Variants in DCLK1 observed in about 807,000 individuals in gnomAD.
The protein encoded by DCLK1 is doublecortin like kinase 1, also known as serine/threonine-protein kinase DCLK1.
DCLK1 carries 16 observed loss-of-function variants against 86.2 expected under a neutral mutation model. That is an observed-to-expected ratio of 0.19 (90% CI 0.13 to 0.28). The LOEUF is 0.28. DCLK1 is among the 10% of genes least tolerant of loss of function. DCLK1 has a pLI of 1.00. For synonymous variants in DCLK1, 369 were observed against 370.5 expected (o/e 1.00, Z 0.05); for missense variants, 590 against 940.2 (o/e 0.63, Z 4.87).
chr13:35,797,042 G>A (rs1252354186), intron 15 of DCLK1, among the ~76,000 whole-genome samples: 5 of 152,246 alleles, frequency 3.3e-5, no homozygotes, highest in Non-Finnish European at 5.9e-5. Flanking sequence ...ATGTGTCAAC[G>A]TGACCTATTA....
chr13:35,813,641 AC>A (rs1334248774), intron 11 of DCLK1, among the ~76,000 whole-genome samples: 1 of 151,970 alleles, frequency 6.6e-6, no homozygotes, highest in East Asian at 1.9e-4. Context: ...GAAAATGAAA[AC>A]CATTGAAATA....
At chr13:35,991,441 A>T (rs1019758201) in intron 3 of DCLK1, among the ~76,000 whole-genome samples, 17 of 152,092 alleles carry the variant, frequency 1.1e-4, no homozygotes, top group African/African-American at 4.1e-4. Context: ...GCTGAGGATC[A>T]CTTGAGCCCA....
At chr13:35,982,212 C>T (rs925545707) in intron 3 of DCLK1, among the ~76,000 whole-genome samples, 4 of 151,824 alleles carry the variant, frequency 2.6e-5, no homozygotes, top group Non-Finnish European at 4.4e-5. Flanking sequence ...AGGCACTTTT[C>T]ACAAAGGAAA....
intron 3 of DCLK1, among the ~76,000 whole-genome samples, chr13:36,001,201 G>A (rs1957381684): frequency 6.6e-6 from 1 of 152,128 alleles, no homozygotes; most frequent in Non-Finnish European, 1.5e-5. Context: ...ACCCACTTCG[G>A]CCTCCCAAAG....
chr13:36,006,581 T>C (rs1880967513), intron 3 of DCLK1, among the ~76,000 whole-genome samples: 1 of 152,150 alleles, frequency 6.6e-6, no homozygotes, highest in South Asian at 2.1e-4. Flanking sequence ...CAGAGGCCAG[T>C]GCTTCCCAGG....
chr13:35,853,686 T>C (rs1870828274), intron 6 of DCLK1, among the ~76,000 whole-genome samples: 1 of 152,324 alleles, frequency 6.6e-6, no homozygotes, highest in Admixed American at 6.5e-5. Flanking sequence ...CTTATTAAAG[T>C]GTTCAGTGAG....
At chr13:36,099,837 A>T (rs1029004681) in intron 3 of DCLK1, among the ~76,000 whole-genome samples, 15 of 152,138 alleles carry the variant, frequency 9.9e-5, no homozygotes, top group African/African-American at 3.4e-4. Context: ...ACTCTGTACA[A>T]TACAATAATA....
At chr13:35,897,504 T>C (rs1285882484) in intron 4 of DCLK1, among the ~76,000 whole-genome samples, 1 of 152,184 alleles carries the variant, frequency 6.6e-6, no homozygotes, top group Non-Finnish European at 1.5e-5. Flanking sequence ...AAGGAATTCT[T>C]GGACAACGTT....
At chr13:35,891,704 G>C (rs1873654897) in intron 4 of DCLK1, among the ~76,000 whole-genome samples, 1 of 152,164 alleles carries the variant, frequency 6.6e-6, no homozygotes, top group Non-Finnish European at 1.5e-5. Flanking sequence ...AAAGTGCTGT[G>C]CTTTGTCACC....
intron 3 of DCLK1, among the ~76,000 whole-genome samples, chr13:36,073,824 C>G (rs928566429): frequency 3.3e-5 from 5 of 152,148 alleles, no homozygotes; most frequent in Non-Finnish European, 7.3e-5. Flanking sequence ...CATACATCCA[C>G]AAAACAGACA....
chr13:36,075,651 AATGTGC>A lies in DCLK1; in HGVS notation c.723+36212_723+36217del, dbSNP rs1729527666. 2.0e-5 allele frequency among the ~76,000 whole-genome samples: 3 copies of A among 152,298 alleles called. No individual in the cohort carries two copies. The South Asian group carries it at 6.2e-4, about 32-fold the overall frequency. On this transcript the variant is annotated intron_variant, in intron 3 of 16. Coordinates refer to ENST00000360631, the MANE Select transcript of DCLK1 (RefSeq NM_001330071.2). The stretch of plus-strand genomic sequence containing the variant: ...ATGAGCCTCAAATTCTTGTCTGCAA[AATGTGC>A]ATGAAATGAAGAAGAGTTAAGTGAG...
intron 4 of DCLK1, among the ~76,000 whole-genome samples, chr13:35,900,725 T>G (rs1355220513): frequency 1.3e-5 from 2 of 152,194 alleles, no homozygotes; most frequent in East Asian, 3.9e-4. Context: ...ATCCACCAGA[T>G]GCCAGTAGCA....
chr13:36,079,069 T>C (rs976077536), intron 3 of DCLK1, among the ~76,000 whole-genome samples: 1 of 152,056 alleles, frequency 6.6e-6, no homozygotes, highest in Non-Finnish European at 1.5e-5. Context: ...GTCTCAATGG[T>C]GCAGAAAAGC....
intron 3 of DCLK1, among the ~76,000 whole-genome samples, chr13:35,969,277 G>C (rs543867517): frequency 6.6e-6 from 1 of 152,242 alleles, no homozygotes; most frequent in East Asian, 1.9e-4. Flanking sequence ...TTTGGAAAAA[G>C]TTAAGGATCT....
At chr13:36,031,580 A>G (rs1882273331) in intron 3 of DCLK1, among the ~76,000 whole-genome samples, 1 of 152,208 alleles carries the variant, frequency 6.6e-6, no homozygotes, top group Non-Finnish European at 1.5e-5. Flanking sequence ...TACGTTTGAC[A>G]ATATAAAAAG....
intron 3 of DCLK1, among the ~76,000 whole-genome samples, chr13:35,950,547 T>TTTTTTAA (rs1877610698): frequency 1.3e-5 from 2 of 152,220 alleles, no homozygotes; most frequent in Non-Finnish European, 2.9e-5. Flanking sequence ...AGATTCAGTG[T>TTTTTTAA]AGTTACCAGT....
In DCLK1 at chr13:36,099,975, T is replaced by C. The variant is rs915406019; in HGVS notation, c.723+11894A>G. On this transcript the variant is annotated intron_variant, in intron 3 of 16. Coordinates refer to ENST00000360631, the MANE Select transcript of DCLK1 (RefSeq NM_001330071.2). The stretch of plus-strand genomic sequence containing the variant: ...GATTTAATCAATGGATGTGTTTTTT[T>C]CTCAATACACAGTGGCTAAGTCTAC... Among the ~76,000 whole-genome samples, 5 of 152,092 alleles carry C rather than the reference T, an allele frequency of 3.3e-5. No individual in the cohort carries two copies. In the East Asian group the frequency reaches 7.7e-4, roughly 23 times the overall value.
chr13:35,907,345 T>C (rs766422601), intron 4 of DCLK1, among the ~76,000 whole-genome samples: 27 of 152,112 alleles, frequency 1.8e-4, no homozygotes, highest in Non-Finnish European at 2.6e-4. Context: ...ATTTTTTTTG[T>C]AGAGACAGGT....
At chr13:35,889,866 A>G (rs1346289894) in intron 4 of DCLK1, among the ~76,000 whole-genome samples, 2 of 152,202 alleles carry the variant, frequency 1.3e-5, no homozygotes, top group Non-Finnish European at 2.9e-5. Context: ...TAACAGTGAC[A>G]TATTTACTTG....
Sources: allele counts gnomAD v4.1 joint callset (sites outside exome capture counted in the v4.1 genomes callset), GRCh38; gene constraint gnomAD v4.1.1; transcripts MANE v1.5; gene names NCBI Gene and HGNC (gene_info 2026-07-23, HGNC 2026-07-21).